Variants in VAV2 observed in about 807,000 individuals in gnomAD.
The protein encoded by VAV2 is vav guanine nucleotide exchange factor 2, also known as guanine nucleotide exchange factor VAV2.
VAV2 carries 67 observed loss-of-function variants against 132.5 expected under a neutral mutation model. The ratio of observed to expected loss-of-function variants is 0.51; its 90% CI spans 0.42 to 0.62. VAV2 has a LOEUF of 0.62. Ranked by LOEUF, VAV2 falls within the 20% of genes least tolerant of loss-of-function variation. The pLI is 0.00. For missense variants in VAV2, 938 were observed against 1,153.6 expected (o/e 0.81, Z 2.71); for synonymous variants, 492 against 443.5 (o/e 1.11, Z -1.37).
At position 133,954,515 on chromosome 9, in the gene VAV2, C is replaced by T. The variant is rs1359636863; in HGVS notation, c.205-15296G>A. 5.2e-5 allele frequency among the ~76,000 whole-genome samples: 8 copies of T among 152,394 alleles called. No individual in the cohort carries two copies. The East Asian group carries it at 1.5e-3, about 29-fold the overall frequency. On this transcript the variant is annotated intron_variant, in intron 1 of 29. Transcript: ENST00000371850. Reference sequence around the variant, plus strand: ...AGTGAATCTGAGTGAAATCCACGCACGCCTGAAGGCTTCCGGAGAAGGCAT... The same window carrying T: ...AGTGAATCTGAGTGAAATCCACGCATGCCTGAAGGCTTCCGGAGAAGGCAT...
At chr9:133,839,819 G>C (rs1836647025) in intron 3 of VAV2, among the ~76,000 whole-genome samples, 1 of 152,232 alleles carries the variant, frequency 6.6e-6, no homozygotes, top group East Asian at 1.9e-4. Flanking sequence ...CCCCTCAGTA[G>C]GGACTTTGTA....
chr9:133,972,227 G>A (rs772465440), intron 1 of VAV2, among the ~76,000 whole-genome samples: 29 of 152,188 alleles, frequency 1.9e-4, no homozygotes, highest in African/African-American at 5.3e-4. Context: ...ATTTATTGAC[G>A]TGGTTTTTCA....
chr9:133,963,920 A>T (rs914202996), intron 1 of VAV2, among the ~76,000 whole-genome samples: 11 of 151,638 alleles, frequency 7.3e-5, no homozygotes, highest in Non-Finnish European at 1.5e-5. Flanking sequence ...AGTATAGCAC[A>T]GCCCAGTTCT....
chr9:133,787,785 A>G (rs1460787474), intron 15 of VAV2, among the ~76,000 whole-genome samples: 1 of 151,794 alleles, frequency 6.6e-6, no homozygotes, highest in African/African-American at 2.4e-5. Context: ...GCTGGCAGCC[A>G]CAGGCCCACC....
At position 133,789,254 on chromosome 9, in the gene VAV2, T is replaced by C. The variant is rs1169580165; in HGVS notation, c.1274+4A>G. ...ACCCAGCCCACAACACGCGCCCTGC[T>C]CACCTGTCCTGCTTGGTGTGGTTGA... On this transcript the variant is annotated splice_donor_region_variant and intron_variant, in intron 14 of 29. Coordinates refer to ENST00000371850, the MANE Select transcript of VAV2 (RefSeq NM_001134398.2). The C allele has an allele frequency of 1.2e-6, 2 of 1,613,794 alleles. No homozygotes were observed. Among genetic ancestry groups the C allele is most frequent in the Non-Finnish European group, 8.5e-7 (1 of 1,179,942 alleles).
chr9:133,912,351 G>C lies in VAV2; in HGVS notation c.321+26752C>G, dbSNP rs558963464. Reference sequence around the variant, plus strand: ...ACATGAGACCCGGGCTGAACACGAGGCTATGTCCGTCCAAATCCCCACAGT... The same window carrying C: ...ACATGAGACCCGGGCTGAACACGAGCCTATGTCCGTCCAAATCCCCACAGT... On this transcript the variant is annotated intron_variant, in intron 2 of 29. Coordinates refer to ENST00000371850, the MANE Select transcript of VAV2 (RefSeq NM_001134398.2). This position sits in a 1 kb window ranked among gnomAD's most constrained non-coding sequence, Gnocchi z 4.3. Among the ~76,000 whole-genome samples the C allele has an allele frequency of 2.6e-5, 4 of 152,320 alleles. No homozygotes were observed. Among genetic ancestry groups the C allele is most frequent in the African/African-American group, 9.6e-5 (4 of 41,564 alleles).
At chr9:133,810,150 G>T (rs777869784) in intron 6 of VAV2, 41 bp downstream of exon 6, 2 of 1,612,204 alleles carry the variant, frequency 1.2e-6, no homozygotes, top group Non-Finnish European at 1.7e-6. Flanking sequence ...AGAAGACGGC[G>T]CAGGCAGGAC....
intron 1 of VAV2, among the ~76,000 whole-genome samples, chr9:133,978,409 G>C (rs540314370): frequency 6.6e-6 from 1 of 152,384 alleles, no homozygotes; most frequent in Non-Finnish European, 1.5e-5. Context: ...ACACAGGGCT[G>C]GGAGGCCTTG....
chr9:133,904,778 T>C (rs930998671), intron 2 of VAV2, among the ~76,000 whole-genome samples: 3 of 152,224 alleles, frequency 2.0e-5, no homozygotes, highest in African/African-American at 4.8e-5. Context: ...CCCGTGAAGC[T>C]CACCTCCCCA....
chr9:133,806,251 AG>A, intron 8 of VAV2, 70 bp from the exon 9 acceptor site: 1 of 1,472,484 alleles, frequency 6.8e-7, no homozygotes, highest in South Asian at 1.2e-5. Flanking sequence ...CCGCCCTTAA[AG>A]TGCCCTTGTT....
At chr9:133,939,973 C>T (rs981993790) in intron 1 of VAV2, among the ~76,000 whole-genome samples, 4 of 152,226 alleles carry the variant, frequency 2.6e-5, no homozygotes, top group African/African-American at 7.2e-5. Context: ...GCCACAGGGG[C>T]GGAAGGCTTG....
intron 1 of VAV2, among the ~76,000 whole-genome samples, chr9:133,986,680 A>T (rs1480207579): frequency 6.6e-6 from 1 of 152,134 alleles, no homozygotes; most frequent in East Asian, 1.9e-4. Flanking sequence ...ATATTTTCAA[A>T]TTTTTTTAGA....
At chr9:133,780,737 G>C in intron 19 of VAV2, 27 bp from the exon 20 acceptor site, 2 of 1,267,438 alleles carry the variant, frequency 1.6e-6, no homozygotes, top group Non-Finnish European at 2.0e-6. Context: ...TCAGGTGTTA[G>C]AGGGGAGGCC....
chr9:133,791,399 G>A (rs536527424), intron 13 of VAV2, among the ~76,000 whole-genome samples: 2 of 152,254 alleles, frequency 1.3e-5, no homozygotes, highest in East Asian at 3.9e-4. Context: ...GTGGGCCAGG[G>A]GTCCACGAAC....
chr9:133,929,001 G>A (rs1295801397), intron 2 of VAV2, among the ~76,000 whole-genome samples: 2 of 152,176 alleles, frequency 1.3e-5, no homozygotes, highest in African/African-American at 4.8e-5. Context: ...ACGAGACCCA[G>A]CCCATGAAAA....
At chr9:133,801,676 T>C (rs74494259) in intron 9 of VAV2, among the ~76,000 whole-genome samples, 6,184 of 152,158 alleles carry the variant, frequency 0.041, 149 homozygotes, top group Middle Eastern at 0.088. Flanking sequence ...TATTTGGTCA[T>C]GATGCAGATG....
At chr9:133,931,252 C>T (rs1004909983) in intron 2 of VAV2, among the ~76,000 whole-genome samples, 4 of 152,214 alleles carry the variant, frequency 2.6e-5, no homozygotes, top group Non-Finnish European at 4.4e-5. Context: ...GCACCAGCAG[C>T]TCTGGGGAGA....
At chr9:133,897,782 T>C (rs1461509350) in intron 2 of VAV2, among the ~76,000 whole-genome samples, 3 of 152,136 alleles carry the variant, frequency 2.0e-5, no homozygotes, top group Admixed American at 2.0e-4. Context: ...GCCTGAAATG[T>C]CTGTATTTAA....
chr9:133,820,951 C>T (rs1835763872), intron 4 of VAV2, among the ~76,000 whole-genome samples: 1 of 152,192 alleles, frequency 6.6e-6, no homozygotes, highest in South Asian at 2.1e-4. Flanking sequence ...AGAGCGCCAG[C>T]CCCACATGGC....
Sources: gnomAD v4.1 joint callset for allele counts (sites outside exome capture counted in the v4.1 genomes callset) on GRCh38, gnomAD v4.1.1 for gene constraint, Gnocchi (gnomAD v3.1) non-coding constraint, MANE v1.5 for transcripts, NCBI Gene and HGNC (gene_info 2026-07-23, HGNC 2026-07-21) for gene names.